Variants in IGSF21 observed in about 807,000 individuals in gnomAD.
IGSF21 encodes immunoglobulin superfamily member 21.
IGSF21 carries 28 observed loss-of-function variants against 46.8 expected under a neutral mutation model. The ratio of observed to expected loss-of-function variants is 0.60; its 90% CI spans 0.44 to 0.82. The LOEUF is 0.82. Ranked by LOEUF, IGSF21 falls within the 40% of genes least tolerant of loss-of-function variation. The pLI, the probability that IGSF21 is intolerant of heterozygous loss-of-function variation, is 0.00. For synonymous variants in IGSF21, 284 were observed against 273.6 expected (o/e 1.04, Z -0.38); for missense variants, 624 against 665.5 (o/e 0.94, Z 0.69).
At chr1:18,147,815 C>T (rs1482126957) in intron 1 of IGSF21, among the ~76,000 whole-genome samples, 2 of 152,046 alleles carry the variant, frequency 1.3e-5, no homozygotes, top group Non-Finnish European at 2.9e-5. Context: ...GGCTGTGTCC[C>T]CACCCAAATC....
intron 3 of IGSF21, among the ~76,000 whole-genome samples, chr1:18,317,083 G>A (rs6663855): frequency 0.61 from 93,218 of 151,994 alleles, 29,427 homozygotes; most frequent in East Asian, 0.94. Flanking sequence ...CTGTACCCTA[G>A]GTTTCTCATT....
chr1:18,121,777 A>T (rs1161520053), intron 1 of IGSF21, among the ~76,000 whole-genome samples: 1 of 151,966 alleles, frequency 6.6e-6, no homozygotes, highest in East Asian at 1.9e-4. Flanking sequence ...TTAGGGGGAA[A>T]AATTTCACCC....
At chr1:18,359,112 A>G (rs2086055418) in intron 4 of IGSF21, among the ~76,000 whole-genome samples, 1 of 151,584 alleles carries the variant, frequency 6.6e-6, no homozygotes, top group Non-Finnish European at 1.5e-5. Flanking sequence ...AAACATAAAA[A>G]CAAAAACAAA....
At chr1:18,373,225 T>C (rs59611421) in intron 6 of IGSF21, among the ~76,000 whole-genome samples, 3,997 of 152,208 alleles carry the variant, frequency 0.026, 176 homozygotes, top group African/African-American at 0.089. Flanking sequence ...AGCCAGAAAG[T>C]AGAGGGCTAG....
At chr1:18,221,777 T>C (rs1322815003) in intron 1 of IGSF21, among the ~76,000 whole-genome samples, 2 of 152,172 alleles carry the variant, frequency 1.3e-5, no homozygotes, top group Non-Finnish European at 2.9e-5. Context: ...TTTAATGCCC[T>C]GAAAGACAGA....
intron 1 of IGSF21, among the ~76,000 whole-genome samples, chr1:18,123,414 C>T (rs12126289): frequency 0.22 from 33,264 of 152,154 alleles, 3,951 homozygotes; most frequent in Non-Finnish European, 0.28. Flanking sequence ...TGCTCTGGCT[C>T]GGGCCTTCTA....
intron 1 of IGSF21, among the ~76,000 whole-genome samples, chr1:18,129,266 G>C (rs1458784092): frequency 6.6e-6 from 1 of 152,120 alleles, no homozygotes; most frequent in Non-Finnish European, 1.5e-5. Context: ...GAGGGCACCA[G>C]GATGGCAAAT....
At chr1:18,213,650 G>A (rs142676949) in intron 1 of IGSF21, among the ~76,000 whole-genome samples, 1 of 152,220 alleles carries the variant, frequency 6.6e-6, no homozygotes, top group Non-Finnish European at 1.5e-5. Flanking sequence ...GGAGCACACG[G>A]CCATCTTCCT....
In IGSF21 at chr1:18,365,290, C is replaced by T; in HGVS notation, c.608C>T (p.Ser203Phe). ...CTATCAGAGCCACCAGCTGCGAGCT[C>T]CGGCCCCCTACAGGACAGCAGGCCC... The part of the protein sequence containing the change: ...VPLSEPPAAS[S>F]GPLQDSRPFR... Residue 203 changes from serine (S) to phenylalanine (F), a missense_variant, in exon 6 of 10, where the codon TCC becomes TTC. Transcript: ENST00000251296. This position sits in a 1 kb window ranked among gnomAD's most constrained non-coding sequence, Gnocchi z 4.8. 6.2e-7 allele frequency: 1 copy of T among 1,614,008 alleles called. No homozygotes were observed. Among genetic ancestry groups the T allele is most frequent in the Non-Finnish European group, 8.5e-7 (1 of 1,179,924 alleles).
chr1:18,346,627 A>G lies in IGSF21; in HGVS notation c.424+11617A>G, dbSNP rs1230090012. Reference sequence around the variant, plus strand: ...CACTGGATGGAGATGGTCCTCTGAGAAGGTTCCAATGCAACCACGTGATCT... The same window carrying G: ...CACTGGATGGAGATGGTCCTCTGAGGAGGTTCCAATGCAACCACGTGATCT... On this transcript the variant is annotated intron_variant, in intron 4 of 9. Coordinates refer to ENST00000251296, the MANE Select transcript of IGSF21 (RefSeq NM_032880.5). Among the ~76,000 whole-genome samples the G allele has an allele frequency of 3.3e-5, 5 of 152,110 alleles. 1 individual carries two copies. The highest frequency in any genetic ancestry group is 1.2e-4 in the African/African-American group (5 of 41,418).
chr1:18,173,529 G>A (rs987301247), intron 1 of IGSF21, among the ~76,000 whole-genome samples: 8 of 152,170 alleles, frequency 5.3e-5, no homozygotes, highest in Non-Finnish European at 1.0e-4. Flanking sequence ...TCCTGTCCCT[G>A]CAGTTTGGTC....
chr1:18,152,719 GCCC>G (rs1557559655), intron 1 of IGSF21, among the ~76,000 whole-genome samples: 1 of 152,090 alleles, frequency 6.6e-6, no homozygotes, highest in Non-Finnish European at 1.5e-5. Context: ...ATGAAGTTTT[GCCC>G]TTCTCATCAT....
chr1:18,316,585 C>T (rs1014737815), intron 3 of IGSF21, among the ~76,000 whole-genome samples: 1 of 152,202 alleles, frequency 6.6e-6, no homozygotes, highest in Non-Finnish European at 1.5e-5. Flanking sequence ...CCCTAGGTCC[C>T]AGCTGTAGTC....
At chr1:18,182,811 G>C (rs979663320) in intron 1 of IGSF21, among the ~76,000 whole-genome samples, 1 of 152,196 alleles carries the variant, frequency 6.6e-6, no homozygotes, top group African/African-American at 2.4e-5. Flanking sequence ...GTGCCTAATG[G>C]GGTCCGAAGC....
intron 1 of IGSF21, among the ~76,000 whole-genome samples, chr1:18,152,061 T>A (rs1165431662): frequency 6.6e-6 from 1 of 152,176 alleles, no homozygotes; most frequent in Non-Finnish European, 1.5e-5. Flanking sequence ...GACAGGGACC[T>A]TTCTCCCTCT....
At chr1:18,119,980 A>G (rs1329778378) in intron 1 of IGSF21, among the ~76,000 whole-genome samples, 1 of 152,244 alleles carries the variant, frequency 6.6e-6, no homozygotes, top group Non-Finnish European at 1.5e-5. Flanking sequence ...GAATGTCTGC[A>G]GTTAGAAACC....
chr1:18,163,146 C>G (rs571692971), intron 1 of IGSF21, among the ~76,000 whole-genome samples: 58 of 152,144 alleles, frequency 3.8e-4, no homozygotes, highest in Non-Finnish European at 7.4e-4. Flanking sequence ...GGGTTAAGAC[C>G]TTGGACAAAT....
chr1:18,327,918 G>A (rs1186755015), intron 3 of IGSF21, among the ~76,000 whole-genome samples: 1 of 152,142 alleles, frequency 6.6e-6, no homozygotes, highest in Admixed American at 6.5e-5. Flanking sequence ...AACAAACAAA[G>A]GCAAGGATCC....
chr1:18,240,727 G>A (rs1371661750), intron 2 of IGSF21, among the ~76,000 whole-genome samples: 1 of 152,192 alleles, frequency 6.6e-6, no homozygotes, highest in Admixed American at 6.5e-5. Flanking sequence ...ACCATGGATG[G>A]GCTGTCTTAA....
Sources: gnomAD v4.1 joint callset for allele counts (sites outside exome capture counted in the v4.1 genomes callset) on GRCh38, gnomAD v4.1.1 for gene constraint, Gnocchi (gnomAD v3.1) non-coding constraint, MANE v1.5 for transcripts, NCBI Gene and HGNC (gene_info 2026-07-23, HGNC 2026-07-21) for gene names.